Variants in HIVEP2 observed in about 807,000 individuals in gnomAD.
HIVEP2 encodes the protein HIVEP zinc finger 2, also known as transcription factor HIVEP2.
HIVEP2 carries 14 observed loss-of-function variants against 180.7 expected under a neutral mutation model. That is an observed-to-expected ratio of 0.08 (90% CI 0.05 to 0.12). The LOEUF (loss-of-function observed/expected upper bound fraction) is 0.12, where lower values mean the gene tolerates loss of function less well. Ranked by LOEUF, HIVEP2 falls within the 10% of genes least tolerant of loss-of-function variation. The pLI is 1.00. For synonymous variants in HIVEP2, 1,184 were observed against 1,136.4 expected, an observed-to-expected ratio of 1.04 and a Z score of -0.84; for missense variants, 2,579 against 3,008.5, an observed-to-expected ratio of 0.86 and a Z score of 3.34.
chr6:142,763,023 C>T (rs1000046845), intron 7 of HIVEP2, among the ~76,000 whole-genome samples: 1 of 152,062 alleles, frequency 6.6e-6, no homozygotes, highest in East Asian at 1.9e-4. Flanking sequence ...TGCAAGTACG[C>T]TATGGATGTG....
chr6:142,926,732 G>C (rs1223291626), intron 1 of HIVEP2, among the ~76,000 whole-genome samples: 1 of 152,146 alleles, frequency 6.6e-6, no homozygotes, highest in South Asian at 2.1e-4. Flanking sequence ...CCCCCGACAC[G>C]CTGGGGCCAG....
In HIVEP2 at chr6:142,760,193, G is replaced by C; in HGVS notation, c.6095C>G (p.Pro2032Arg). The change falls in exon 9 of 10, where the codon CCA (proline) becomes CGA (arginine). Residue 2032 changes from proline (P) to arginine (R), a missense_variant. Physicochemically the swap from Pro to Arg is moderately radical, Grantham distance 103. Around this residue, in one of 11 missense-constraint regions of HIVEP2, gnomAD observed 660 missense variants for 731.7 expected, o/e 0.90. Coordinates refer to ENST00000367603, the MANE Select transcript of HIVEP2 (RefSeq NM_006734.4). ...MDEECMLPSEPSSSPRDFSPS... is the reference protein window; with the variant it reads ...MDEECMLPSERSSSPRDFSPS... ...TGAGAAGTCCCTGGGAGAGGAGCTT[G>C]GCTCTGAAGGTAGCATGCACTCCTC... 1 of 1,614,030 alleles carries C rather than the reference G, an allele frequency of 6.2e-7. No individual in the cohort carries two copies. The highest frequency in any genetic ancestry group is 8.5e-7 in the Non-Finnish European group (1 of 1,179,932).
At chr6:142,863,177 T>C (rs993091219) in intron 1 of HIVEP2, among the ~76,000 whole-genome samples, 2 of 149,846 alleles carry the variant, frequency 1.3e-5, no homozygotes, top group Non-Finnish European at 1.5e-5. Flanking sequence ...ACAGGTTCTG[T>C]TGCATTTTTT....
chr6:142,926,369 G>A (rs868296440), intron 1 of HIVEP2, among the ~76,000 whole-genome samples: 1 of 152,172 alleles, frequency 6.6e-6, no homozygotes, highest in East Asian at 1.9e-4. Flanking sequence ...TCATTTTCTT[G>A]TAATGATTCT....
intron 1 of HIVEP2, among the ~76,000 whole-genome samples, chr6:142,900,838 T>A (rs570510903): frequency 6.6e-6 from 1 of 152,044 alleles, no homozygotes; most frequent in Non-Finnish European, 1.5e-5. Context: ...AGGGTTGAGG[T>A]TTTTCCCCCC....
intron 1 of HIVEP2, among the ~76,000 whole-genome samples, chr6:142,855,441 A>C (rs540077338): frequency 6.6e-6 from 1 of 152,364 alleles, no homozygotes; most frequent in South Asian, 2.1e-4. Context: ...GGAAGGACAG[A>C]AGAAGAAGAG....
intron 1 of HIVEP2, among the ~76,000 whole-genome samples, chr6:142,914,032 G>A (rs1777486926): frequency 1.3e-5 from 2 of 151,922 alleles, no homozygotes; most frequent in Non-Finnish European, 2.9e-5. Flanking sequence ...CCTGAGATGT[G>A]CTTGGAGATT....
chr6:142,832,192 CAA>C (rs71721259), intron 2 of HIVEP2, among the ~76,000 whole-genome samples: 6 of 108,056 alleles, frequency 5.6e-5, no homozygotes, highest in South Asian at 2.9e-4. Context: ...AATTCTGTCT[CAA>C]AAAAAAAAAA....
chr6:142,854,437 A>G (rs1775767019), intron 1 of HIVEP2, among the ~76,000 whole-genome samples: 1 of 152,208 alleles, frequency 6.6e-6, no homozygotes, highest in Non-Finnish European at 1.5e-5. Flanking sequence ...CCTGATGTTT[A>G]AGCAAGTGAT....
At chr6:142,793,640 CTTTCTTTCTTTCTTTCTTT>C (rs1403535464) in intron 2 of HIVEP2, among the ~76,000 whole-genome samples, 105 of 37,148 alleles carry the variant, frequency 2.8e-3, no homozygotes, top group African/African-American at 8.0e-3. Flanking sequence ...TTCTTTCTTT[CTTTCTTTCTTTCTTTCTTT>C]TTTCTTTCTT....
rs76116599 is a variant in HIVEP2, at chr6:142,810,971, G to T, written c.-528+25964C>A. ...AGGTCAATAAGAGCACTACACATCA[G>T]GAATTCTTCATCAGTCTCTGTGCCT... is the stretch of plus-strand genomic sequence containing the variant. On this transcript the variant is annotated intron_variant, in intron 2 of 9. Transcript: ENST00000367603. Among the ~76,000 whole-genome samples, 326 of 152,156 alleles carry T rather than the reference G, an allele frequency of 2.1e-3. 1 individual carries two copies. Among genetic ancestry groups the T allele is most frequent in the African/African-American group, 7.6e-3 (316 of 41,508 alleles).
At chr6:142,820,297 T>TTCTC (rs3057563) in intron 2 of HIVEP2, among the ~76,000 whole-genome samples, 42,498 of 148,188 alleles carry the variant, frequency 0.29, 6,088 homozygotes, top group Non-Finnish European at 0.33. Context: ...TCGCTCTCTC[T>TTCTC]TCTCTCTCTC....
chr6:142,772,411 C>CAAAG lies in HIVEP2; in HGVS notation c.2327_2328insCTTT (p.Glu776AspfsTer8). 6.2e-7 allele frequency: 1 copy of CAAAG among 1,614,236 alleles called. No individual in the cohort carries two copies. Among genetic ancestry groups the CAAAG allele is most frequent in the Non-Finnish European group, 8.5e-7 (1 of 1,180,044 alleles). On this transcript the variant is annotated frameshift_variant, in exon 5 of 10. Transcript: ENST00000367603. LOFTEE classifies it high-confidence loss of function. This position sits in a 1 kb window ranked among gnomAD's most constrained non-coding sequence, Gnocchi z 4.9. The stretch of plus-strand genomic sequence containing the variant: ...TGTCTGAATCAATGGCTGAAGGTGA[C>CAAAG]TCCTCTGACACAAGAGATGGACTTC...
intron 1 of HIVEP2, among the ~76,000 whole-genome samples, chr6:142,891,452 TG>T (rs1363989087): frequency 2.6e-5 from 4 of 151,632 alleles, no homozygotes; most frequent in African/African-American, 9.7e-5. Flanking sequence ...TTTTAAAAAG[TG>T]TTCTCACCCA....
intron 1 of HIVEP2, among the ~76,000 whole-genome samples, chr6:142,893,299 G>T (rs561741643): frequency 6.6e-6 from 1 of 152,262 alleles, no homozygotes; most frequent in South Asian, 2.1e-4. Context: ...AATATATTTG[G>T]AATGGTGCCT....
chr6:142,902,421 A>G (rs1249512453), intron 1 of HIVEP2, among the ~76,000 whole-genome samples: 2 of 152,198 alleles, frequency 1.3e-5, no homozygotes, highest in Non-Finnish European at 2.9e-5. Context: ...GTACTATCAT[A>G]TTGTATCTTG....
Position 142,751,540 on chromosome 6 carries a change from T to C in HIVEP2, c.*1567A>G, listed in dbSNP as rs1774918742. The C allele has an allele frequency of 6.6e-6, 1 of 152,668 alleles. No individual in the cohort carries two copies. The highest frequency in any genetic ancestry group is 1.5e-5 in the Non-Finnish European group (1 of 68,048). The allele number at this position is 152,668 out of a possible 1,614,324, so 9.5% of individuals were successfully genotyped here. ...AATGTAATTCAATATACAAACTTGGTTTCACAGAATTATAATCCACTATAT... is the reference window on the plus strand; with the variant it reads ...AATGTAATTCAATATACAAACTTGGCTTCACAGAATTATAATCCACTATAT... On this transcript the variant is annotated 3_prime_UTR_variant, in exon 10 of 10. Coordinates refer to ENST00000367603, the MANE Select transcript of HIVEP2 (RefSeq NM_006734.4).
intron 7 of HIVEP2, among the ~76,000 whole-genome samples, chr6:142,762,000 C>T (rs1468523018): frequency 6.6e-6 from 1 of 152,200 alleles, no homozygotes; most frequent in African/African-American, 2.4e-5. Context: ...ACCCACTGGG[C>T]CCCTGACCTT....
At chr6:142,793,648 CTTTCTTTCTTT>C (rs1327729970) in intron 2 of HIVEP2, among the ~76,000 whole-genome samples, 5 of 37,206 alleles carry the variant, frequency 1.3e-4, no homozygotes, top group Admixed American at 6.3e-4. Context: ...TTCTTTCTTT[CTTTCTTTCTTT>C]TTTCTTTCTT....
Sources: allele counts gnomAD v4.1 joint callset (sites outside exome capture counted in the v4.1 genomes callset), GRCh38; gene constraint gnomAD v4.1.1; regional missense constraint gnomAD v4.1.1; non-coding constraint Gnocchi (gnomAD v3.1); transcripts MANE v1.5; gene names NCBI Gene and HGNC (gene_info 2026-07-23, HGNC 2026-07-21).